ADAMTS17: variants seen among roughly 807,000 people sequenced by gnomAD.
ADAMTS17 encodes the protein A disintegrin and metalloproteinase with thrombospondin motifs 17.
Under a neutral mutation model 141.5 loss-of-function variants are expected in ADAMTS17, and 113 were observed. The ratio of observed to expected loss-of-function variants is 0.80; its 90% CI spans 0.69 to 0.93. ADAMTS17 has a LOEUF of 0.93. Ranked by LOEUF, ADAMTS17 falls within the 40% of genes least tolerant of loss-of-function variation. The probability of loss-of-function intolerance (pLI) is 0.00; values close to 1 mark genes in which losing one functional copy is unlikely to be tolerated. For synonymous variants in ADAMTS17, 768 were observed against 630.6 expected (o/e 1.22, Z -3.27); for missense variants, 1,659 against 1,517.9 (o/e 1.09, Z -1.54).
At chr15:100,334,155 C>G (rs1459479461) in intron 2 of ADAMTS17, among the ~76,000 whole-genome samples, 1 of 152,170 alleles carries the variant, frequency 6.6e-6, no homozygotes, top group Non-Finnish European at 1.5e-5. Flanking sequence ...CACACCACCT[C>G]GTGCCTGAAG....
intron 15 of ADAMTS17, among the ~76,000 whole-genome samples, chr15:100,065,631 G>A (rs982732748): frequency 1.3e-5 from 2 of 152,110 alleles, no homozygotes; most frequent in South Asian, 2.1e-4. Context: ...GAGTGCTTCC[G>A]AAGTTTTCCC....
chr15:100,134,039 G>A (rs2038196169), intron 10 of ADAMTS17, among the ~76,000 whole-genome samples: 1 of 152,244 alleles, frequency 6.6e-6, no homozygotes, highest in African/African-American at 2.4e-5. Flanking sequence ...CATCGACAAA[G>A]TGCTCAGAAG....
intron 8 of ADAMTS17, among the ~76,000 whole-genome samples, chr15:100,165,172 C>A (rs1467031363): frequency 6.6e-6 from 1 of 152,200 alleles, no homozygotes; most frequent in Non-Finnish European, 1.5e-5. Context: ...ATTCCATGGG[C>A]TCACCAGCTC....
intron 3 of ADAMTS17, among the ~76,000 whole-genome samples, chr15:100,310,388 T>C (rs2045365063): frequency 1.3e-5 from 2 of 152,216 alleles, no homozygotes; most frequent in Non-Finnish European, 2.9e-5. Context: ...TAGGAGTGTG[T>C]TGTATTTCTT....
chr15:100,306,701 G>A (rs1252271414), intron 3 of ADAMTS17: 4 of 399,734 alleles, frequency 1.0e-5, no homozygotes, highest in South Asian at 3.7e-5. Context: ...AACAGGGACT[G>A]AGACAGCAGT....
chr15:100,176,179 A>G (rs2040333019), intron 8 of ADAMTS17, among the ~76,000 whole-genome samples: 1 of 152,226 alleles, frequency 6.6e-6, no homozygotes, highest in South Asian at 2.1e-4. Context: ...AGCAGTGAAG[A>G]AAGAAGAGTG....
In ADAMTS17 at chr15:100,335,089, G is replaced by A. The variant is rs556410317; in HGVS notation, c.451-4035C>T. ...GACGGCAGCATCAGCACCCCCGGGG[G>A]AACTTGTGAGAAATGCAAGCTCTCA... On this transcript the variant is annotated intron_variant, in intron 2 of 21. Transcript: ENST00000268070. Among the ~76,000 whole-genome samples, 5 of 152,052 alleles carry A rather than the reference G, an allele frequency of 3.3e-5. No individual in the cohort carries two copies. The East Asian group carries it at 5.8e-4, about 18-fold the overall frequency.
At chr15:100,196,270 A>C (rs998316274) in intron 8 of ADAMTS17, among the ~76,000 whole-genome samples, 1 of 152,270 alleles carries the variant, frequency 6.6e-6, no homozygotes, top group African/African-American at 2.4e-5. Flanking sequence ...TAGAAAGAGA[A>C]GAGGGAGGAA....
At chr15:100,149,828 G>A (rs1055905386) in intron 10 of ADAMTS17, among the ~76,000 whole-genome samples, 7 of 152,046 alleles carry the variant, frequency 4.6e-5, no homozygotes, top group African/African-American at 7.3e-5. Flanking sequence ...TCTTCTTTTC[G>A]GCACTGAGGA....
intron 10 of ADAMTS17, among the ~76,000 whole-genome samples, chr15:100,133,643 A>G (rs537961757): frequency 4.1e-4 from 62 of 152,082 alleles, no homozygotes; most frequent in Non-Finnish European, 6.8e-4. Context: ...AGGAGTGATG[A>G]GCAAACAGAC....
At chr15:100,245,012 T>C (rs1596350607) in intron 7 of ADAMTS17, among the ~76,000 whole-genome samples, 1 of 152,012 alleles carries the variant, frequency 6.6e-6, no homozygotes, top group East Asian at 1.9e-4. Flanking sequence ...ATGACTAGAG[T>C]AAGAGCCGCA....
At chr15:100,263,654 A>C (rs570574281) in intron 4 of ADAMTS17, among the ~76,000 whole-genome samples, 4 of 152,360 alleles carry the variant, frequency 2.6e-5, no homozygotes, top group Non-Finnish European at 5.9e-5. Context: ...TTCCTTTGCC[A>C]TAACGCAGAG....
intron 14 of ADAMTS17, among the ~76,000 whole-genome samples, chr15:100,105,488 C>A (rs540143036): frequency 6.6e-6 from 1 of 152,216 alleles, no homozygotes; most frequent in South Asian, 2.1e-4. Context: ...AACAGGAAGG[C>A]GTGCATCCCA....
At chr15:100,236,878 T>G (rs2042673808) in intron 7 of ADAMTS17, among the ~76,000 whole-genome samples, 1 of 151,942 alleles carries the variant, frequency 6.6e-6, no homozygotes, top group Non-Finnish European at 1.5e-5. Flanking sequence ...TGTTCCATGC[T>G]CCCTCTCCTC....
intron 18 of ADAMTS17, among the ~76,000 whole-genome samples, chr15:100,026,831 A>G (rs1457197213): frequency 1.3e-5 from 2 of 152,202 alleles, no homozygotes; most frequent in East Asian, 3.8e-4. Flanking sequence ...ACAATCTAGG[A>G]GTAGAATTTC....
At chr15:100,028,333 T>C (rs2029865498) in intron 18 of ADAMTS17, among the ~76,000 whole-genome samples, 1 of 152,168 alleles carries the variant, frequency 6.6e-6, no homozygotes, top group African/African-American at 2.4e-5. Context: ...GAAACGGCAT[T>C]CTTCGGACCC....
At chr15:100,103,494 G>A (rs8043148) in intron 14 of ADAMTS17, among the ~76,000 whole-genome samples, 1 of 152,158 alleles carries the variant, frequency 6.6e-6, no homozygotes, top group Non-Finnish European at 1.5e-5. Flanking sequence ...TCTTGGCAAT[G>A]AAAGTCGTCC....
At chr15:100,024,020 T>A (rs2573580) in intron 18 of ADAMTS17, among the ~76,000 whole-genome samples, 16,375 of 152,254 alleles carry the variant, frequency 0.11, 2,326 homozygotes, top group African/African-American at 0.33. Context: ...ACCACAAATC[T>A]TTGTATACTG....
chr15:100,010,225 C>G (rs576407421), intron 18 of ADAMTS17, among the ~76,000 whole-genome samples: 1 of 152,186 alleles, frequency 6.6e-6, no homozygotes, highest in African/African-American at 2.4e-5. Context: ...TGCCCACTCT[C>G]GGGTATGTCT....
Sources: allele counts gnomAD v4.1 joint callset (sites outside exome capture counted in the v4.1 genomes callset), GRCh38; gene constraint gnomAD v4.1.1; transcripts MANE v1.5; gene names NCBI Gene and HGNC (gene_info 2026-07-23, HGNC 2026-07-21).